Variants in A4GALT observed in about 807,000 individuals in gnomAD.
The protein encoded by A4GALT is lactosylceramide 4-alpha-galactosyltransferase.
For synonymous variants in A4GALT, 257 were observed against 220.7 expected (o/e 1.16, Z -1.46); for missense variants, 512 against 486.0 (o/e 1.05, Z -0.50).
rs959126045 is a variant in A4GALT at position 42,702,757 on chromosome 22, C to T, written c.-187-7126G>A. 1.5e-5 allele frequency among the ~76,000 whole-genome samples: 2 copies of T among 131,470 alleles called. 1 individual carries two copies. Among genetic ancestry groups the T allele is most frequent in the African/African-American group, 7.6e-5 (2 of 26,180 alleles). The allele number at this position is 131,470 out of a possible 152,430, so 86.2% of individuals were successfully genotyped here. On this transcript the variant is annotated intron_variant, in intron 1 of 2. Transcript: ENST00000642412. ...GTAGTGGGAGACAAAGGGTCCGGAGCCTTCGTGCAGATAAGGTGGAACGCC... is the reference window on the plus strand; with the variant it reads ...GTAGTGGGAGACAAAGGGTCCGGAGTCTTCGTGCAGATAAGGTGGAACGCC...
upstream of A4GALT, chr22:42,720,923 G>GCGCCGC (rs201219774): frequency 5.5e-5 from 8 of 145,856 alleles, no homozygotes; most frequent in South Asian, 1.7e-3. Flanking sequence ...GGCGGGGTCA[G>GCGCCGC]GCCGCCCCGC....
rs374351088 is a variant in A4GALT, at chr22:42,707,206, T to G, written c.-187-11575A>C. Among the ~76,000 whole-genome samples the G allele has an allele frequency of 2.0e-4, 30 of 152,280 alleles. 1 individual carries two copies. In the East Asian group the frequency reaches 4.4e-3, roughly 22 times the overall value. ...AAGAGCTGAGCTGATGGAACAGTCA[T>G]GAAATCTGACCATATTCAGTCCAAA... On this transcript the variant is annotated intron_variant, in intron 1 of 2. Coordinates refer to ENST00000642412, the MANE Select transcript of A4GALT (RefSeq NM_017436.7).
chr22:42,717,087 T>C (rs1922257455), intron 1 of A4GALT, among the ~76,000 whole-genome samples: 1 of 152,076 alleles, frequency 6.6e-6, no homozygotes, highest in African/African-American at 2.4e-5. Flanking sequence ...GACACTGGTC[T>C]GGAAGGGAAG....
chr22:42,698,310 A>G (rs1931078429), intron 1 of A4GALT, among the ~76,000 whole-genome samples: 1 of 151,844 alleles, frequency 6.6e-6, no homozygotes, highest in East Asian at 1.9e-4. Context: ...AGGCTGGGTC[A>G]GACCCCTACC....
chr22:42,700,532 T>G (rs903367904), intron 1 of A4GALT, among the ~76,000 whole-genome samples: 1 of 152,182 alleles, frequency 6.6e-6, no homozygotes, highest in Non-Finnish European at 1.5e-5. Context: ...TCCAAGCCTC[T>G]CCAGATAAGG....
Position 42,692,562 on chromosome 22 carries a change from C to A in A4GALT, c.*328G>T. On this transcript the variant is annotated 3_prime_UTR_variant, in exon 3 of 3. Transcript: ENST00000642412. This position sits in a 1 kb window ranked among gnomAD's most constrained non-coding sequence, Gnocchi z 4.6. ...TAGCACCGGCCTCTGCCCTCGTGGG[C>A]ACCTCTGTCCCAACTGCCTGGCTTT... is the stretch of plus-strand genomic sequence containing the variant. The A allele has an allele frequency of 2.1e-6, 1 of 481,564 alleles. No homozygotes were observed. Among genetic ancestry groups the A allele is most frequent in the Non-Finnish European group, 4.0e-6 (1 of 247,028 alleles). The allele number at this position is 481,564 out of a possible 1,614,324, so 29.8% of individuals were successfully genotyped here. A position where few individuals can be genotyped will look rare whatever the true frequency, so the allele number is the denominator to read the frequency against.
At chr22:42,702,250 A>G (rs1392818113) in intron 1 of A4GALT, among the ~76,000 whole-genome samples, 1 of 152,024 alleles carries the variant, frequency 6.6e-6, no homozygotes, top group Non-Finnish European at 1.5e-5. Flanking sequence ...CCGGGCTCAC[A>G]GGACTGAAGG....
chr22:42,693,151 C>G lies in A4GALT; in HGVS notation c.801G>C (p.Leu267=). The change falls in exon 3 of 3, where the codon CTG becomes CTC. Residue 267 remains leucine, a synonymous_variant. Transcript: ENST00000642412. ...VFKKWCSIRS[L]AESRACRGVT... ...CGCCGCGGCAGGCGCGGCTCTCGGC[C>G]AGGCTGCGGATGGAACACCACTTCT... 6.3e-7 allele frequency: 1 copy of G among 1,599,258 alleles called. No homozygotes were observed. Among genetic ancestry groups the G allele is most frequent in the Non-Finnish European group, 8.5e-7 (1 of 1,173,986 alleles).
chr22:42,696,497 A>G (rs1272952893), intron 1 of A4GALT, among the ~76,000 whole-genome samples: 1 of 151,980 alleles, frequency 6.6e-6, no homozygotes, highest in Non-Finnish European at 1.5e-5. Context: ...ACACATGGTT[A>G]AGCACCAAGG....
At chr22:42,705,182 T>C (rs942906614) in intron 1 of A4GALT, among the ~76,000 whole-genome samples, 1 of 152,158 alleles carries the variant, frequency 6.6e-6, no homozygotes, top group Non-Finnish European at 1.5e-5. Flanking sequence ...AACCTCCTGT[T>C]AATTGCCACT....
chr22:42,715,401 T>C (rs1311344111), intron 1 of A4GALT, among the ~76,000 whole-genome samples: 2 of 152,120 alleles, frequency 1.3e-5, no homozygotes, highest in Non-Finnish European at 2.9e-5. Context: ...GATTGGTTCC[T>C]AGAAGTGAGC....
At chr22:42,710,842 C>G (rs2147026566) in intron 1 of A4GALT, among the ~76,000 whole-genome samples, 1 of 151,998 alleles carries the variant, frequency 6.6e-6, no homozygotes, top group Admixed American at 6.6e-5. Flanking sequence ...GGCAACATGG[C>G]AAAACCCTAT....
At chr22:42,715,047 G>C (rs577790296) in intron 1 of A4GALT, among the ~76,000 whole-genome samples, 1 of 151,568 alleles carries the variant, frequency 6.6e-6, no homozygotes, top group Admixed American at 6.6e-5. Flanking sequence ...TGTGGGGTGG[G>C]GGGGTTCCAG....
At chr22:42,719,638 T>A (rs1922514427) in intron 1 of A4GALT, among the ~76,000 whole-genome samples, 1 of 152,148 alleles carries the variant, frequency 6.6e-6, no homozygotes, top group Non-Finnish European at 1.5e-5. Context: ...GGAAGAGGGC[T>A]GTGGGAAATC....
chr22:42,703,128 G>GTGTGTGTGTT (rs1920936032), intron 1 of A4GALT, among the ~76,000 whole-genome samples: 1 of 151,728 alleles, frequency 6.6e-6, no homozygotes, highest in Non-Finnish European at 1.5e-5. Flanking sequence ...GTGTGTGTGT[G>GTGTGTGTGTT]TGTGTGTGTG....
chr22:42,696,072 A>C (rs1221046621), intron 1 of A4GALT, among the ~76,000 whole-genome samples: 1 of 128,888 alleles, frequency 7.8e-6, no homozygotes, highest in Non-Finnish European at 1.6e-5. Context: ...GCAGTGAGCC[A>C]AGTTGTGCCA....
intron 1 of A4GALT, among the ~76,000 whole-genome samples, chr22:42,710,594 G>A (rs1030377588): frequency 2.0e-5 from 3 of 152,070 alleles, no homozygotes; most frequent in African/African-American, 7.2e-5. Flanking sequence ...ATACTTGAGA[G>A]GCTGAGGTGG....
chr22:42,710,733 T>TAAATAAATAAGA (rs1487670260), intron 1 of A4GALT, among the ~76,000 whole-genome samples: 27 of 139,390 alleles, frequency 1.9e-4, no homozygotes, highest in African/African-American at 6.6e-4. Flanking sequence ...AATAAATAAA[T>TAAATAAATAAGA]AAGAACAATG....
chr22:42,699,024 C>A (rs1174792714), intron 1 of A4GALT, among the ~76,000 whole-genome samples: 1 of 152,058 alleles, frequency 6.6e-6, no homozygotes, highest in Admixed American at 6.5e-5. Flanking sequence ...CAAGAAATAA[C>A]CATAAAAATG....
Sources: allele counts gnomAD v4.1 joint callset (sites outside exome capture counted in the v4.1 genomes callset), GRCh38; gene constraint gnomAD v4.1.1; non-coding constraint Gnocchi (gnomAD v3.1); transcripts MANE v1.5; gene names NCBI Gene and HGNC (gene_info 2026-07-23, HGNC 2026-07-21).